Variants in HFM1 observed in about 807,000 individuals in gnomAD.
HFM1 encodes helicase for meiosis 1.
In HFM1, 169 loss-of-function variants were observed where a neutral mutation model predicts 192.1. That is an observed-to-expected ratio of 0.88 (90% CI 0.78 to 1.00). The LOEUF (loss-of-function observed/expected upper bound fraction) is 1.00, where lower values mean the gene tolerates loss of function less well. Among genes scored for constraint, HFM1 ranks in the 50% least tolerant of loss-of-function variants. The pLI, the probability that HFM1 is intolerant of heterozygous loss-of-function variation, is 0.00. For synonymous variants in HFM1, 525 were observed against 537.8 expected, an observed-to-expected ratio of 0.98 and a Z score of 0.33; for missense variants, 1,661 against 1,668.0, an observed-to-expected ratio of 1.00 and a Z score of 0.07.
chr1:91,323,320 A>G lies in HFM1; in HGVS notation c.2428-121T>C, dbSNP rs1652409922. On this transcript the variant is annotated intron_variant, in intron 21 of 38. Transcript: ENST00000370425. ...CCATCACAGTTTTATCAATGAACAT[A>G]ACAGAGTTAAAAACCTGCTTTATAC... 4 of 632,378 alleles carry G rather than the reference A, an allele frequency of 6.3e-6. No individual in the cohort carries two copies. In the Admixed American group the frequency reaches 9.8e-5, roughly 15 times the overall value. 39.2% of individuals were successfully genotyped at this position (632,378 alleles called of 1,614,324 possible). A position where few individuals can be genotyped will look rare whatever the true frequency, so the allele number is the denominator to read the frequency against.
At chr1:91,283,206 T>C (rs373757772) in intron 30 of HFM1, among the ~76,000 whole-genome samples, 2 of 152,114 alleles carry the variant, frequency 1.3e-5, no homozygotes, top group South Asian at 2.1e-4. Context: ...TTACAGATAT[T>C]GGTAATTAGA....
chr1:91,329,559 T>C, intron 20 of HFM1: 2 of 1,342,944 alleles, frequency 1.5e-6, no homozygotes, highest in Non-Finnish European at 2.0e-6. Flanking sequence ...CCAGAATATT[T>C]GCCCTCTTGT....
At chr1:91,289,825 A>T (rs567773289) in intron 30 of HFM1, among the ~76,000 whole-genome samples, 31 of 152,164 alleles carry the variant, frequency 2.0e-4, no homozygotes, top group Non-Finnish European at 8.8e-5. Flanking sequence ...GTCCAGCCTC[A>T]GCTCAGCATC....
chr1:91,345,961 A>G (rs1656076486), intron 19 of HFM1, among the ~76,000 whole-genome samples: 3 of 152,158 alleles, frequency 2.0e-5, no homozygotes, highest in African/African-American at 4.8e-5. Context: ...ATTGCCAGAG[A>G]AATTCAGTTT....
chr1:91,361,973 G>T (rs961284679), intron 13 of HFM1, among the ~76,000 whole-genome samples: 1 of 152,038 alleles, frequency 6.6e-6, no homozygotes, highest in African/African-American at 2.4e-5. Flanking sequence ...CACAGAAAAG[G>T]ACTTCGATAC....
intron 18 of HFM1, among the ~76,000 whole-genome samples, chr1:91,348,300 G>A (rs960070694): frequency 3.9e-5 from 6 of 152,040 alleles, no homozygotes; most frequent in African/African-American, 1.4e-4. Flanking sequence ...ACATAATATT[G>A]ATAAAAATAC....
chr1:91,289,501 C>T (rs1171417511), intron 30 of HFM1, among the ~76,000 whole-genome samples: 1 of 152,096 alleles, frequency 6.6e-6, no homozygotes, highest in East Asian at 1.9e-4. Context: ...TTTGGGAAGC[C>T]AAGGCAGGCG....
At chr1:91,287,884 G>C (rs1394699038) in intron 30 of HFM1, among the ~76,000 whole-genome samples, 1 of 152,188 alleles carries the variant, frequency 6.6e-6, no homozygotes. Flanking sequence ...CTCAGGAGCC[G>C]ATGCGATGAA....
Position 91,385,816 on chromosome 1 carries a change from G to A in HFM1, c.513C>T (p.Asp171=), listed in dbSNP as rs767439410. The A allele has an allele frequency of 2.5e-6, 4 of 1,597,902 alleles. No individual in the cohort carries two copies. The African/African-American group carries it at 5.4e-5, about 22-fold the overall frequency. The change falls in exon 5 of 39, where the codon GAC becomes GAT. Residue 171 remains aspartate, a synonymous_variant. Coordinates refer to ENST00000370425, the MANE Select transcript of HFM1 (RefSeq NM_001017975.6). ...VFRKRLFKIS[D]NIHGSAYSND... is the part of the protein sequence containing the mutation. ...TAGAATAAGCACTCCCATGTATATT[G>A]TCAGATATTTTAAATAATCTGCAAA... is the stretch of plus-strand genomic sequence containing the variant.
intron 30 of HFM1, among the ~76,000 whole-genome samples, chr1:91,289,055 A>T (rs1668377263): frequency 1.3e-5 from 2 of 148,442 alleles, no homozygotes; most frequent in South Asian, 4.3e-4. Context: ...GCTGCCCCCC[A>T]CCTCCCGGAT....
intron 6 of HFM1, among the ~76,000 whole-genome samples, chr1:91,383,492 T>C (rs1661799845): frequency 6.6e-6 from 1 of 152,142 alleles, no homozygotes; most frequent in African/African-American, 2.4e-5. Context: ...TCTCCCTCAT[T>C]TTTAATCAAA....
chr1:91,396,083 G>A (rs948348001), intron 3 of HFM1, among the ~76,000 whole-genome samples: 6 of 151,770 alleles, frequency 4.0e-5, no homozygotes, highest in African/African-American at 9.7e-5. Flanking sequence ...TGCCCACCTC[G>A]GCCTCCCAGA....
In HFM1 at chr1:91,370,993, TGCTTCAAAGA is replaced by T. The variant is rs1318913241; in HGVS notation, c.1685+4355_1685+4364del. Among the ~76,000 whole-genome samples, 5 of 151,940 alleles carry T rather than the reference TGCTTCAAAGA, an allele frequency of 3.3e-5. No individual in the cohort carries two copies. The East Asian group carries it at 9.7e-4, about 29-fold the overall frequency. On this transcript the variant is annotated intron_variant, in intron 13 of 38. Coordinates refer to ENST00000370425, the MANE Select transcript of HFM1 (RefSeq NM_001017975.6). Reference sequence around the variant, plus strand: ...TCATGAGTGAACTCCCATTCACAATTGCTTCAAAGAGAATAAAATACTTAGGAATCCAACT... The same window carrying T: ...TCATGAGTGAACTCCCATTCACAATTGAATAAAATACTTAGGAATCCAACT...
intron 4 of HFM1, among the ~76,000 whole-genome samples, chr1:91,392,106 G>A (rs1228574534): frequency 2.0e-5 from 3 of 152,144 alleles, no homozygotes; most frequent in Non-Finnish European, 2.9e-5. Context: ...AACAGGTGCT[G>A]GAGAGGATGT....
At chr1:91,300,785 C>G (rs1648626359) in intron 30 of HFM1, among the ~76,000 whole-genome samples, 1 of 152,144 alleles carries the variant, frequency 6.6e-6, no homozygotes, top group African/African-American at 2.4e-5. Flanking sequence ...GGACGTATCT[C>G]AAAGTAATAA....
At chr1:91,270,268 G>C (rs1371243700) in intron 34 of HFM1, among the ~76,000 whole-genome samples, 1 of 152,152 alleles carries the variant, frequency 6.6e-6, no homozygotes, top group Non-Finnish European at 1.5e-5. Context: ...TTATTTACAT[G>C]TGGGGTGAGC....
intron 30 of HFM1, among the ~76,000 whole-genome samples, chr1:91,289,321 GCTC>G (rs1668424887): frequency 6.6e-6 from 1 of 151,718 alleles, no homozygotes; most frequent in South Asian, 2.1e-4. Context: ...GGGCAGAGAT[GCTC>G]CTCACTTCCT....
At chr1:91,364,169 A>C (rs950033771) in intron 13 of HFM1, among the ~76,000 whole-genome samples, 1 of 152,034 alleles carries the variant, frequency 6.6e-6, no homozygotes, top group African/African-American at 2.4e-5. Context: ...CTGCACATGT[A>C]CCCTTAAACT....
chr1:91,290,943 A>G (rs1222204216), intron 30 of HFM1, among the ~76,000 whole-genome samples: 5 of 152,310 alleles, frequency 3.3e-5, no homozygotes, highest in African/African-American at 7.2e-5. Context: ...ACCTGCTCCT[A>G]AATGACTACT....
Sources: gnomAD v4.1 joint callset for allele counts (sites outside exome capture counted in the v4.1 genomes callset) on GRCh38, gnomAD v4.1.1 for gene constraint, MANE v1.5 for transcripts, NCBI Gene and HGNC (gene_info 2026-07-23, HGNC 2026-07-21) for gene names.